The following TMPRSS11F variants were observed in gnomAD, a reference collection of about 807,000 sequenced individuals.
TMPRSS11F encodes transmembrane serine protease 11F.
Under a neutral mutation model 60.2 loss-of-function variants are expected in TMPRSS11F, and 47 were observed. That is an observed-to-expected ratio of 0.78 (90% CI 0.62 to 1.00). The LOEUF (loss-of-function observed/expected upper bound fraction) is 1.00. Ranked by LOEUF, TMPRSS11F falls within the 50% of genes least tolerant of loss-of-function variation. The pLI, the probability that TMPRSS11F is intolerant of heterozygous loss-of-function variation, is 0.00. For missense variants in TMPRSS11F, 519 were observed against 522.9 expected, an observed-to-expected ratio of 0.99 and a Z score of 0.07; for synonymous variants, 166 against 167.3, an observed-to-expected ratio of 0.99 and a Z score of 0.06.
At chr4:68,098,462 G>GTT in intron 2 of TMPRSS11F, among the ~76,000 whole-genome samples, 1 of 152,126 alleles carries the variant, frequency 6.6e-6, no homozygotes, top group East Asian at 1.9e-4. Context: ...AAAAAAATCT[G>GTT]TTTTTTTCTT....
intron 7 of TMPRSS11F, 39 bp downstream of exon 7, chr4:68,068,579 C>T (rs774874176): frequency 1.9e-6 from 3 of 1,556,018 alleles, no homozygotes; most frequent in Non-Finnish European, 2.7e-6. Flanking sequence ...CAGATGAGGA[C>T]TGTGAAAAGA....
intron 1 of TMPRSS11F, among the ~76,000 whole-genome samples, chr4:68,113,081 A>G (rs1425217314): frequency 6.6e-6 from 1 of 152,238 alleles, no homozygotes; most frequent in African/African-American, 2.4e-5. Flanking sequence ...TCATCAAAAA[A>G]GAGCACAATC....
intron 1 of TMPRSS11F, among the ~76,000 whole-genome samples, chr4:68,117,788 T>C (rs1312394428): frequency 1.3e-5 from 2 of 152,126 alleles, no homozygotes; most frequent in East Asian, 1.9e-4. Context: ...TTAAAACACA[T>C]TCCTACAAAT....
intron 1 of TMPRSS11F, among the ~76,000 whole-genome samples, chr4:68,125,446 A>C (rs1413042435): frequency 6.6e-6 from 1 of 152,140 alleles, no homozygotes. Flanking sequence ...GTCATATATG[A>C]TACTGGAAGA....
At chr4:68,072,225 A>C (rs1371190224) in intron 5 of TMPRSS11F, 98 bp downstream of exon 5, 4 of 93,882 alleles carry the variant, frequency 4.3e-5, no homozygotes, top group African/African-American at 1.7e-4. Context: ...ATCTTCCAAA[A>C]AAAAAATATA....
chr4:68,088,087 T>C (rs1211295979), intron 3 of TMPRSS11F, among the ~76,000 whole-genome samples: 2 of 151,958 alleles, frequency 1.3e-5, no homozygotes, highest in South Asian at 2.1e-4. Flanking sequence ...CCATGGTGTA[T>C]ATAGACTGGC....
At chr4:68,129,728 C>G in intron 1 of TMPRSS11F, 82 bp downstream of exon 1, 1 of 1,275,120 alleles carries the variant, frequency 7.8e-7, no homozygotes, top group Non-Finnish European at 1.1e-6. Flanking sequence ...TCTCCACCAG[C>G]CAACATCTGT....
At chr4:68,069,942 C>G (rs1389677877) in intron 6 of TMPRSS11F, 27 bp downstream of exon 6, 4 of 1,570,612 alleles carry the variant, frequency 2.5e-6, no homozygotes, top group Non-Finnish European at 2.6e-6. Flanking sequence ...GTGAAATAAA[C>G]AGTTAATTGT....
intron 7 of TMPRSS11F, among the ~76,000 whole-genome samples, chr4:68,066,785 T>C (rs1227274803): frequency 6.6e-6 from 1 of 151,758 alleles, no homozygotes; most frequent in Admixed American, 6.6e-5. Flanking sequence ...AATAAAAAAA[T>C]TAGCTGGGCG....
At chr4:68,082,837 A>C (rs1466504809) in intron 3 of TMPRSS11F, among the ~76,000 whole-genome samples, 5 of 152,242 alleles carry the variant, frequency 3.3e-5, no homozygotes, top group Non-Finnish European at 7.3e-5. Flanking sequence ...CTCCCTCTAC[A>C]GGGATAATCC....
At chr4:68,070,267 A>G (rs1031312799) in intron 5 of TMPRSS11F, among the ~76,000 whole-genome samples, 10 of 152,146 alleles carry the variant, frequency 6.6e-5, no homozygotes, top group Non-Finnish European at 1.3e-4. Context: ...AAGAAACAGA[A>G]ATTAGGAAAT....
intron 1 of TMPRSS11F, among the ~76,000 whole-genome samples, chr4:68,126,116 A>G (rs1724708472): frequency 6.6e-6 from 1 of 152,128 alleles, no homozygotes; most frequent in South Asian, 2.1e-4. Flanking sequence ...TCTTCCTCCT[A>G]TGGTGTTATA....
intron 5 of TMPRSS11F, 97 bp downstream of exon 5, chr4:68,072,226 A>ATATATATATATATATAT (rs61224244): frequency 0.032 from 2,514 of 79,032 alleles, 580 homozygotes; most frequent in South Asian, 0.046. Context: ...TCTTCCAAAA[A>ATATATATATATATATAT]AAAAATATAT....
rs1403513398 is a variant in TMPRSS11F, at chr4:68,056,447, A to C, written c.1159-2380T>G. The stretch of plus-strand genomic sequence containing the variant: ...AATAGCAACAAAAAAAAAATAGCAA[A>C]AAAAAAAAAACACTTGGGAGTAAAT... On this transcript the variant is annotated intron_variant, in intron 9 of 9. Transcript: ENST00000356291. 4.6e-5 allele frequency among the ~76,000 whole-genome samples: 7 copies of C among 151,348 alleles called. No homozygotes were observed. In the East Asian group the frequency reaches 1.3e-3, roughly 29 times the overall value.
At chr4:68,104,936 TTATC>T in intron 1 of TMPRSS11F, among the ~76,000 whole-genome samples, 1 of 147,546 alleles carries the variant, frequency 6.8e-6, no homozygotes, top group East Asian at 2.0e-4. Context: ...GCATCAATGT[TTATC>T]TAAGAAATTT....
In TMPRSS11F at chr4:68,090,604, G is replaced by A. The variant is rs377065928; in HGVS notation, c.201C>T (p.Val67=). The change falls in exon 3 of 10, where the codon GTC becomes GTT. Residue 67 remains valine, a synonymous_variant. Coordinates refer to ENST00000356291, the MANE Select transcript of TMPRSS11F (RefSeq NM_207407.2). ...KSFYYLASFK[V]TNIKYKENYG... ...AATTTTCTTTATATTTGATATTTGT[G>A]ACTTTAAAAGAGGCAAGGTAATAGA... 113 of 1,600,952 alleles carry A rather than the reference G, an allele frequency of 7.1e-5. No individual in the cohort carries two copies. In the South Asian group the frequency reaches 7.2e-4, roughly 10 times the overall value.
intron 1 of TMPRSS11F, among the ~76,000 whole-genome samples, chr4:68,116,293 C>A (rs766018615): frequency 2.6e-5 from 4 of 151,888 alleles, no homozygotes; most frequent in Non-Finnish European, 5.9e-5. Flanking sequence ...CAAAATGGTA[C>A]CTCCACTTTA....
chr4:68,054,192 T>C, intron 9 of TMPRSS11F, 125 bp from the exon 10 acceptor site: 2 of 750,122 alleles, frequency 2.7e-6, no homozygotes, highest in Non-Finnish European at 4.2e-6. Flanking sequence ...ACAGACTATA[T>C]AATGGGTCTC....
intron 1 of TMPRSS11F, among the ~76,000 whole-genome samples, chr4:68,121,204 A>G (rs977801924): frequency 3.3e-5 from 5 of 152,154 alleles, no homozygotes; most frequent in Admixed American, 3.3e-4. Context: ...TTTAAAACTC[A>G]AGTTCAATTG....
Sources: gnomAD v4.1 joint callset for allele counts (sites outside exome capture counted in the v4.1 genomes callset) on GRCh38, gnomAD v4.1.1 for gene constraint, MANE v1.5 for transcripts, NCBI Gene and HGNC (gene_info 2026-07-23, HGNC 2026-07-21) for gene names.